The following ATR variants were observed in gnomAD, a reference collection of about 807,000 sequenced individuals.
ATR encodes serine/threonine-protein kinase ATR.
ATR carries 142 observed loss-of-function variants against 305.3 expected under a neutral mutation model. The observed-to-expected ratio is 0.47, with a 90% CI of 0.41 to 0.53. ATR has a LOEUF of 0.53. ATR is among the 20% of genes least tolerant of loss of function. The pLI is 0.00. For missense variants in ATR, 2,135 were observed against 3,133.1 expected (o/e 0.68, Z 7.60); for synonymous variants, 1,050 against 1,068.1 (o/e 0.98, Z 0.33).
Position 142,553,459 on chromosome 3 carries a change from T to C in ATR, c.2634-61A>G, listed in dbSNP as rs532791413. The C allele has an allele frequency of 1.3e-3, 1,771 of 1,329,142 alleles. 6 individuals carry two copies. The African/African-American group carries it at 0.016, about 12-fold the overall frequency. The allele number at this position is 1,329,142 out of a possible 1,614,324, so 82.3% of individuals were successfully genotyped here. ...ACACACACACACACACACACACACATACACACACATATGTATCTCCAATAT... is the reference window on the plus strand; with the variant it reads ...ACACACACACACACACACACACACACACACACACATATGTATCTCCAATAT... On this transcript the variant is annotated intron_variant, in intron 12 of 46. Coordinates refer to ENST00000350721, the MANE Select transcript of ATR (RefSeq NM_001184.4).
chr3:142,487,222 A>T (rs1022875568), intron 35 of ATR, among the ~76,000 whole-genome samples: 6 of 152,152 alleles, frequency 3.9e-5, no homozygotes, highest in African/African-American at 1.4e-4. Context: ...CTGCAGCCAC[A>T]ACTCCTAGGC....
chr3:142,528,541 GGA>G (rs2033492464), intron 21 of ATR, among the ~76,000 whole-genome samples: 1 of 151,854 alleles, frequency 6.6e-6, no homozygotes, highest in African/African-American at 2.4e-5. Flanking sequence ...CCACTTATCT[GGA>G]TAATTTTTGC....
In ATR at chr3:142,550,114, C is replaced by G. The variant is rs1167414846; in HGVS notation, c.2976+18G>C. The G allele has an allele frequency of 1.2e-6, 2 of 1,613,500 alleles. No individual in the cohort carries two copies. The highest frequency in any genetic ancestry group is 1.7e-5 in the Admixed American group (1 of 60,018). On this transcript the variant is annotated intron_variant, in intron 14 of 46. Coordinates refer to ENST00000350721, the MANE Select transcript of ATR (RefSeq NM_001184.4). ...TACTGAATTGCAAACCTCAAGTGAA[C>G]TATATGTTGCAACTTACAGTAAGAA...
chr3:142,450,183 T>A, intron 46 of ATR: 2 of 512,668 alleles, frequency 3.9e-6, no homozygotes, highest in Non-Finnish European at 7.1e-6. Context: ...CCATCGACTT[T>A]TCCGCCAAGA....
At position 142,481,574 on chromosome 3, in the gene ATR, C is replaced by T. The variant is rs1178897043; in HGVS notation, c.6221+3566G>A. ...ACTTTTGACCTCCATGACTTCTGGA[C>T]TTGTTTGGTTCACTTTTGGTATCTG... is the stretch of plus-strand genomic sequence containing the variant. On this transcript the variant is annotated intron_variant, in intron 36 of 46. Transcript: ENST00000350721. 3.9e-5 allele frequency among the ~76,000 whole-genome samples: 6 copies of T among 152,266 alleles called. No homozygotes were observed. The East Asian group carries it at 1.2e-3, about 29-fold the overall frequency.
At chr3:142,502,921 C>T (rs899873618) in intron 30 of ATR, among the ~76,000 whole-genome samples, 13 of 152,204 alleles carry the variant, frequency 8.5e-5, no homozygotes, top group African/African-American at 3.1e-4. Context: ...AATAAACCCA[C>T]CTTCTTTAGG....
rs760532237 is a variant in ATR, at chr3:142,553,658, G to A, written c.2615C>T (p.Thr872Ile). Residue 872 changes from threonine (T) to isoleucine (I), a missense_variant, in exon 12 of 47, where the codon ACA becomes ATA. Thr to Ile is a moderately conservative substitution (Grantham distance 89, BLOSUM62 -1). Coordinates refer to ENST00000350721, the MANE Select transcript of ATR (RefSeq NM_001184.4). Reference protein sequence around the residue: ...NNELKDTLILTTGDIGRAAKG... With the variant: ...NNELKDTLILITGDIGRAAKG... ...AGTATACCTTCCAATATCCCCTGTT[G>A]TAAGAATCAAGGTATCCTTCAGCTC... 24 of 1,609,446 alleles carry A rather than the reference G, an allele frequency of 1.5e-5. No individual in the cohort carries two copies. In the Admixed American group the frequency reaches 3.7e-4, roughly 25 times the overall value.
intron 36 of ATR, among the ~76,000 whole-genome samples, chr3:142,475,247 C>T (rs565562843): frequency 6.6e-6 from 1 of 152,142 alleles, no homozygotes; most frequent in Non-Finnish European, 1.5e-5. Flanking sequence ...ATCCCTCCCC[C>T]AGCCCCTCAC....
intron 35 of ATR, among the ~76,000 whole-genome samples, chr3:142,491,483 A>C (rs1340869842): frequency 6.6e-6 from 1 of 152,250 alleles, no homozygotes; most frequent in South Asian, 2.1e-4. Flanking sequence ...AATATTTGCT[A>C]TCAAATTCTG....
chr3:142,487,143 A>G (rs568537348), intron 35 of ATR, among the ~76,000 whole-genome samples: 30 of 151,922 alleles, frequency 2.0e-4, no homozygotes, highest in African/African-American at 7.2e-4. Flanking sequence ...AAAAAAATAC[A>G]TATTATTATT....
At position 142,535,078 on chromosome 3, in the gene ATR, A is replaced by G; in HGVS notation, c.3945+2T>C. On this transcript the variant is annotated splice_donor_variant, in intron 21 of 46. Coordinates refer to ENST00000350721, the MANE Select transcript of ATR (RefSeq NM_001184.4). LOFTEE classifies it high-confidence loss of function. ...ATTTTTAATTATATCATATTAGCAT[A>G]CCTGATTTTTATACAAGGTTTCCTT... The G allele has an allele frequency of 6.2e-7, 1 of 1,610,906 alleles. No individual in the cohort carries two copies. The highest frequency in any genetic ancestry group is 8.5e-7 in the Non-Finnish European group (1 of 1,177,648).
At chr3:142,519,928 T>C in intron 23 of ATR, 144 bp from the exon 24 acceptor site, 1 of 694,898 alleles carries the variant, frequency 1.4e-6, no homozygotes, top group Non-Finnish European at 2.5e-6. Flanking sequence ...TCATGGATGC[T>C]GTTTTTTTTG....
At chr3:142,492,533 T>C (rs1390366967) in intron 35 of ATR, among the ~76,000 whole-genome samples, 1 of 152,216 alleles carries the variant, frequency 6.6e-6, no homozygotes, top group African/African-American at 2.4e-5. Context: ...TATTATTTCC[T>C]TTCTTCTACT....
At position 142,578,707 on chromosome 3, in the gene ATR, T is replaced by C. The variant is rs754399363; in HGVS notation, c.-3A>G. ...AGCTCCAGGCCATGTTCCCCCATGC[T>C]GAGGCTGCGAGGCACTAGTCAACCA... On this transcript the variant is annotated 5_prime_UTR_variant, in exon 1 of 47. Transcript: ENST00000350721. 2 of 1,613,000 alleles carry C rather than the reference T, an allele frequency of 1.2e-6. No homozygotes were observed. Among genetic ancestry groups the C allele is most frequent in the South Asian group, 1.1e-5 (1 of 90,632 alleles).
chr3:142,562,386 G>C lies in ATR; in HGVS notation c.1016C>G (p.Ser339Cys). The change falls in exon 4 of 47, where the codon TCT becomes TGT. Residue 339 changes from serine (S) to cysteine (C), a missense_variant. Ser to Cys is a moderately radical substitution (Grantham distance 112). Transcript: ENST00000350721. ...FEDGVLMRLKSDLLKAALCHL... is the reference protein window; with the variant it reads ...FEDGVLMRLKCDLLKAALCHL... Reference sequence around the variant, plus strand: ...GCACAAAGCTGCTTTTAGCAAATCAGACTTAAGCCGCATGAGCACACCGTC... The same window carrying C: ...GCACAAAGCTGCTTTTAGCAAATCACACTTAAGCCGCATGAGCACACCGTC... The C allele has an allele frequency of 3.1e-6, 5 of 1,614,098 alleles. No homozygotes were observed. Among genetic ancestry groups the C allele is most frequent in the Non-Finnish European group, 4.2e-6 (5 of 1,180,008 alleles).
chr3:142,563,146 T>C (rs1302730352), intron 3 of ATR, 37 bp from the exon 4 acceptor site: 1 of 1,565,884 alleles, frequency 6.4e-7, no homozygotes, highest in Non-Finnish European at 8.7e-7. Flanking sequence ...AATAAACAAG[T>C]ATATCCGAAG....
At chr3:142,538,962 T>C (rs1386328476) in intron 18 of ATR, among the ~76,000 whole-genome samples, 1 of 152,184 alleles carries the variant, frequency 6.6e-6, no homozygotes, top group African/African-American at 2.4e-5. Context: ...TCTAGATTTC[T>C]GACTATAATT....
At chr3:142,551,518 G>A (rs762203785) in intron 13 of ATR, among the ~76,000 whole-genome samples, 4 of 151,960 alleles carry the variant, frequency 2.6e-5, no homozygotes, top group African/African-American at 9.7e-5. Flanking sequence ...GAAATAAGAT[G>A]ACACACCTAC....
At chr3:142,577,882 G>C (rs577158211) in intron 1 of ATR, among the ~76,000 whole-genome samples, 1 of 152,310 alleles carries the variant, frequency 6.6e-6, no homozygotes, top group South Asian at 2.1e-4. Flanking sequence ...AGAGGTGTGA[G>C]AGCCATCAAC....
Sources: allele counts gnomAD v4.1 joint callset (sites outside exome capture counted in the v4.1 genomes callset), GRCh38; gene constraint gnomAD v4.1.1; transcripts MANE v1.5; gene names NCBI Gene and HGNC (gene_info 2026-07-23, HGNC 2026-07-21).